Variants in OSBPL8 observed in about 807,000 individuals in gnomAD.
OSBPL8 encodes oxysterol binding protein like 8.
In OSBPL8, 59 loss-of-function variants were observed where a neutral mutation model predicts 125.5. That is an observed-to-expected ratio of 0.47 (90% CI 0.38 to 0.58). OSBPL8 has a LOEUF of 0.58. Among genes scored for constraint, OSBPL8 ranks in the 20% least tolerant of loss-of-function variants. The pLI is 0.00. For missense variants in OSBPL8, 758 were observed against 1,047.8 expected (o/e 0.72, Z 3.82); for synonymous variants, 330 against 338.9 (o/e 0.97, Z 0.29).
chr12:76,510,407 T>C (rs1028749798), intron 1 of OSBPL8, among the ~76,000 whole-genome samples: 1 of 152,150 alleles, frequency 6.6e-6, no homozygotes, highest in Non-Finnish European at 1.5e-5. Flanking sequence ...AATACTAACA[T>C]AAGTTCAATA....
intron 1 of OSBPL8, among the ~76,000 whole-genome samples, chr12:76,530,904 T>C (rs1275577695): frequency 6.6e-6 from 1 of 152,188 alleles, no homozygotes; most frequent in Non-Finnish European, 1.5e-5. Context: ...AGAAACAACA[T>C]AAGTTCTCAT....
intron 2 of OSBPL8, among the ~76,000 whole-genome samples, chr12:76,473,731 A>G (rs1876461638): frequency 6.6e-6 from 1 of 152,210 alleles, no homozygotes; most frequent in African/African-American, 2.4e-5. Context: ...GTTAACAACA[A>G]AGATCCCAAA....
chr12:76,435,201 T>C (rs1050206356), intron 4 of OSBPL8, among the ~76,000 whole-genome samples: 2 of 151,732 alleles, frequency 1.3e-5, no homozygotes, highest in African/African-American at 2.4e-5. Flanking sequence ...TATACATAAA[T>C]AGAATATTAT....
At chr12:76,457,068 A>G (rs1874141934) in intron 3 of OSBPL8, among the ~76,000 whole-genome samples, 1 of 152,252 alleles carries the variant, frequency 6.6e-6, no homozygotes, top group Non-Finnish European at 1.5e-5. Flanking sequence ...TGATGAAAAT[A>G]GGCAAGAATG....
At chr12:76,523,244 AAAAC>A (rs1400225758) in intron 1 of OSBPL8, among the ~76,000 whole-genome samples, 3 of 152,198 alleles carry the variant, frequency 2.0e-5, no homozygotes, top group African/African-American at 7.2e-5. Context: ...TTTTTAGAGG[AAAAC>A]AAAATTTAAA....
At chr12:76,541,170 T>C (rs1950633057) in intron 1 of OSBPL8, among the ~76,000 whole-genome samples, 1 of 152,172 alleles carries the variant, frequency 6.6e-6, no homozygotes, top group South Asian at 2.1e-4. Context: ...TAAATAAGTA[T>C]TTGCAATTTA....
chr12:76,465,931 G>A (rs946476134), intron 2 of OSBPL8, among the ~76,000 whole-genome samples: 2 of 150,940 alleles, frequency 1.3e-5, no homozygotes, highest in Non-Finnish European at 3.0e-5. Context: ...TCTTGAACCC[G>A]GGAGGTGAAG....
At chr12:76,401,836 T>C (rs1954064466) in intron 6 of OSBPL8, among the ~76,000 whole-genome samples, 1 of 152,172 alleles carries the variant, frequency 6.6e-6, no homozygotes, top group South Asian at 2.1e-4. Context: ...ATATGAAAGT[T>C]TCACCTTCAT....
intron 1 of OSBPL8, among the ~76,000 whole-genome samples, chr12:76,505,481 T>G (rs55776922): frequency 0.043 from 6,590 of 152,184 alleles, 515 homozygotes; most frequent in African/African-American, 0.15. Context: ...CTGATAATTT[T>G]TTAAAATTAA....
Position 76,402,780 on chromosome 12 carries a change from G to T in OSBPL8, c.289-14C>A. 6.6e-7 allele frequency: 1 copy of T among 1,504,444 alleles called. No individual in the cohort carries two copies. Among genetic ancestry groups the T allele is most frequent in the Non-Finnish European group, 9.2e-7 (1 of 1,091,102 alleles). The allele number at this position is 1,504,444 out of a possible 1,614,324, so 93.2% of individuals were successfully genotyped here. A position where few individuals can be genotyped will look rare whatever the true frequency, so the allele number is the denominator to read the frequency against. Reference sequence around the variant, plus strand: ...TTTAGATTCAGACTGAAATCATACAGAAACAAGAGAAATTAAATCCTTCAG... The same window carrying T: ...TTTAGATTCAGACTGAAATCATACATAAACAAGAGAAATTAAATCCTTCAG... On this transcript the variant is annotated splice_polypyrimidine_tract_variant and intron_variant, in intron 5 of 23. Coordinates refer to ENST00000261183, the MANE Select transcript of OSBPL8 (RefSeq NM_020841.5).
intron 3 of OSBPL8, among the ~76,000 whole-genome samples, chr12:76,451,989 C>T (rs937402105): frequency 1.3e-5 from 2 of 152,000 alleles, no homozygotes; most frequent in East Asian, 1.9e-4. Flanking sequence ...CGTGTTGGCG[C>T]GCCTGTAATC....
intron 4 of OSBPL8, chr12:76,422,416 ATTTAAATGAAAGCGGC>A: frequency 2.5e-6 from 1 of 405,402 alleles, no homozygotes; most frequent in Admixed American, 3.0e-5. Flanking sequence ...GAATTGTTTT[ATTTAAATGAAAGCGGC>A]TTTAAAATGT....
At chr12:76,513,420 G>T (rs986577456) in intron 1 of OSBPL8, among the ~76,000 whole-genome samples, 1 of 152,246 alleles carries the variant, frequency 6.6e-6, no homozygotes, top group Non-Finnish European at 1.5e-5. Context: ...AAGGTGGAAA[G>T]TTCCATAGAG....
chr12:76,493,493 T>C (rs988952566), intron 1 of OSBPL8, among the ~76,000 whole-genome samples: 3 of 152,210 alleles, frequency 2.0e-5, no homozygotes, highest in African/African-American at 4.8e-5. Flanking sequence ...TTTTGTCAGA[T>C]AAAGTATTCT....
intron 2 of OSBPL8, among the ~76,000 whole-genome samples, chr12:76,468,347 ATCTCCACTTAAC>A (rs1277261455): frequency 6.6e-6 from 1 of 152,162 alleles, no homozygotes; most frequent in Non-Finnish European, 1.5e-5. Flanking sequence ...ATGGTCTCAC[ATCTCCACTTAAC>A]TCAAACTCCA....
chr12:76,470,509 A>T (rs1876006776), intron 2 of OSBPL8, among the ~76,000 whole-genome samples: 2 of 152,240 alleles, frequency 1.3e-5, no homozygotes, highest in Non-Finnish European at 2.9e-5. Flanking sequence ...AATCTGAAAT[A>T]AAAGCATCTT....
intron 1 of OSBPL8, among the ~76,000 whole-genome samples, chr12:76,515,258 TG>T (rs1311601263): frequency 1.3e-5 from 2 of 152,182 alleles, no homozygotes; most frequent in Non-Finnish European, 2.9e-5. Flanking sequence ...GTTCTTGTAT[TG>T]GTTCTTTCTC....
At chr12:76,477,977 G>T (rs1017690401) in intron 2 of OSBPL8, among the ~76,000 whole-genome samples, 3 of 152,100 alleles carry the variant, frequency 2.0e-5, no homozygotes, top group Non-Finnish European at 4.4e-5. Context: ...GCTGAGGAGG[G>T]TGGATCACCT....
intron 1 of OSBPL8, among the ~76,000 whole-genome samples, chr12:76,538,626 A>G (rs1950560672): frequency 6.6e-6 from 1 of 152,218 alleles, no homozygotes; most frequent in South Asian, 2.1e-4. Flanking sequence ...TAAAGGTAAG[A>G]AATTTGTCTA....
Sources: gnomAD v4.1 joint callset for allele counts (sites outside exome capture counted in the v4.1 genomes callset) on GRCh38, gnomAD v4.1.1 for gene constraint, MANE v1.5 for transcripts, NCBI Gene and HGNC (gene_info 2026-07-23, HGNC 2026-07-21) for gene names.